The following ACBD6 variants were observed in gnomAD, a reference collection of about 807,000 sequenced individuals.
ACBD6 encodes acyl-CoA-binding domain-containing protein 6.
ACBD6 carries 28 observed loss-of-function variants against 37.2 expected under a neutral mutation model. The ratio of observed to expected loss-of-function variants is 0.75; its 90% CI spans 0.56 to 1.03. The LOEUF (loss-of-function observed/expected upper bound fraction) is 1.03. Among genes scored for constraint, ACBD6 ranks in the 50% least tolerant of loss-of-function variants. The pLI, the probability that ACBD6 is intolerant of heterozygous loss-of-function variation, is 0.00. For synonymous variants in ACBD6, 113 were observed against 126.8 expected (o/e 0.89, Z 0.73); for missense variants, 340 against 337.4 (o/e 1.01, Z -0.06).
chr1:180,443,641 C>T (rs1649367959), intron 3 of ACBD6, among the ~76,000 whole-genome samples: 1 of 152,036 alleles, frequency 6.6e-6, no homozygotes, highest in South Asian at 2.1e-4. Flanking sequence ...TAGATGAAGT[C>T]TCACTCTGTC....
At chr1:180,413,058 T>C (rs1013598291) in intron 5 of ACBD6, among the ~76,000 whole-genome samples, 4 of 152,224 alleles carry the variant, frequency 2.6e-5, no homozygotes, top group Non-Finnish European at 5.9e-5. Flanking sequence ...TATGTATAAA[T>C]GAGATTTTGC....
At chr1:180,333,610 T>G (rs899892403) in intron 6 of ACBD6, among the ~76,000 whole-genome samples, 1 of 152,210 alleles carries the variant, frequency 6.6e-6, no homozygotes. Context: ...ACGGGTGATT[T>G]CTGCATTTCA....
chr1:180,329,330 T>A (rs1651386794), intron 6 of ACBD6, among the ~76,000 whole-genome samples: 1 of 152,212 alleles, frequency 6.6e-6, no homozygotes, highest in South Asian at 2.1e-4. Context: ...TTGATTTTTG[T>A]CTTTTCCTTT....
intron 6 of ACBD6, among the ~76,000 whole-genome samples, chr1:180,333,357 C>T (rs1259806675): frequency 2.6e-5 from 4 of 152,036 alleles, no homozygotes. Context: ...GTTGTGACAA[C>T]ACAAGTGATA....
chr1:180,363,330 T>C (rs892771143), intron 6 of ACBD6, among the ~76,000 whole-genome samples: 3 of 152,226 alleles, frequency 2.0e-5, no homozygotes, highest in African/African-American at 4.8e-5. Flanking sequence ...TGTGGAATTA[T>C]CTAAGTGAAC....
At chr1:180,295,191 T>C (rs1228944352) in intron 7 of ACBD6, among the ~76,000 whole-genome samples, 1 of 152,186 alleles carries the variant, frequency 6.6e-6, no homozygotes, top group East Asian at 1.9e-4. Context: ...GATAGAAGCT[T>C]GGATCACTGA....
At chr1:180,498,093 G>T (rs1011874588) in intron 1 of ACBD6, among the ~76,000 whole-genome samples, 3 of 152,160 alleles carry the variant, frequency 2.0e-5, no homozygotes, top group African/African-American at 7.2e-5. Flanking sequence ...ATGGTTTACT[G>T]AGTTACACAG....
chr1:180,370,511 G>C (rs1653222151), intron 6 of ACBD6, among the ~76,000 whole-genome samples: 2 of 152,036 alleles, frequency 1.3e-5, no homozygotes, highest in Non-Finnish European at 2.9e-5. Context: ...CAATCCACTG[G>C]AAAGACAACA....
chr1:180,389,903 C>T (rs1654004253), intron 6 of ACBD6, among the ~76,000 whole-genome samples: 1 of 151,954 alleles, frequency 6.6e-6, no homozygotes, highest in Admixed American at 6.5e-5. Context: ...TGGATATTAG[C>T]CCTTTGTCAG....
intron 7 of ACBD6, among the ~76,000 whole-genome samples, chr1:180,312,929 C>T (rs976832235): frequency 3.9e-5 from 6 of 152,096 alleles, no homozygotes; most frequent in Non-Finnish European, 7.4e-5. Flanking sequence ...AATTTGAACG[C>T]AGAAGTCTGG....
chr1:180,460,292 C>T (rs766686289), intron 3 of ACBD6, among the ~76,000 whole-genome samples: 20 of 152,122 alleles, frequency 1.3e-4, no homozygotes, highest in African/African-American at 2.4e-4. Flanking sequence ...ACAAAGTTCC[C>T]GGCGTAGGGG....
Position 180,413,350 on chromosome 1 carries a change from G to A in ACBD6, c.573+16C>T, listed in dbSNP as rs776611934. ...CCATGCATAGGAAAATAATTAACAG[G>A]GCATGTTTTTCATACCTCTTCATCT... On this transcript the variant is annotated intron_variant, in intron 5 of 7. Transcript: ENST00000367595. The A allele has an allele frequency of 1.9e-6, 3 of 1,592,312 alleles. No homozygotes were observed. The highest frequency in any genetic ancestry group is 1.1e-5 in the South Asian group (1 of 90,680).
intron 6 of ACBD6, among the ~76,000 whole-genome samples, chr1:180,319,996 T>C (rs1174707169): frequency 6.6e-6 from 1 of 152,208 alleles, no homozygotes; most frequent in Non-Finnish European, 1.5e-5. Context: ...AACATACTGA[T>C]TTCCTTTCTT....
intron 3 of ACBD6, among the ~76,000 whole-genome samples, chr1:180,491,144 A>C (rs1651487865): frequency 6.6e-6 from 1 of 152,134 alleles, no homozygotes; most frequent in South Asian, 2.1e-4. Flanking sequence ...TTCCATGATT[A>C]ATGGAACAAA....
intron 3 of ACBD6, among the ~76,000 whole-genome samples, chr1:180,447,060 C>T (rs1450103739): frequency 6.6e-6 from 1 of 151,914 alleles, no homozygotes; most frequent in Non-Finnish European, 1.5e-5. Context: ...AACAAAAAAA[C>T]CCAGACATTT....
chr1:180,419,560 C>T, intron 4 of ACBD6, among the ~76,000 whole-genome samples: 1 of 152,166 alleles, frequency 6.6e-6, no homozygotes, highest in Non-Finnish European at 1.5e-5. Context: ...GTGGGGGGCA[C>T]CGACCCCCTG....
At chr1:180,375,336 CTG>C (rs1029777485) in intron 6 of ACBD6, among the ~76,000 whole-genome samples, 2 of 150,494 alleles carry the variant, frequency 1.3e-5, no homozygotes, top group African/African-American at 4.9e-5. Flanking sequence ...AGGGAACAGA[CTG>C]TTTTTTTTTG....
At chr1:180,399,014 T>C (rs543469606) in intron 5 of ACBD6, among the ~76,000 whole-genome samples, 1 of 152,302 alleles carries the variant, frequency 6.6e-6, no homozygotes, top group South Asian at 2.1e-4. Flanking sequence ...ATAATTAAAC[T>C]AGGATCTATT....
rs114936097 is a variant in ACBD6 at position 180,442,362 on chromosome 1, G to A, written c.385-12100C>T. Among the ~76,000 whole-genome samples, 1,270 of 152,024 alleles carry A rather than the reference G, an allele frequency of 8.4e-3. 3 individuals are homozygous for A. The highest frequency in any genetic ancestry group is 0.037 in the Middle Eastern group (11 of 294). ...GGCAATTTTTTAGCTGTCACACTACGCAGTGCTATTGACATCTAGTGAATA... is the reference window on the plus strand; with the variant it reads ...GGCAATTTTTTAGCTGTCACACTACACAGTGCTATTGACATCTAGTGAATA... On this transcript the variant is annotated intron_variant, in intron 3 of 7. Transcript: ENST00000367595.
Sources: gnomAD v4.1 joint callset for allele counts (sites outside exome capture counted in the v4.1 genomes callset) on GRCh38, gnomAD v4.1.1 for gene constraint, MANE v1.5 for transcripts, NCBI Gene and HGNC (gene_info 2026-07-23, HGNC 2026-07-21) for gene names.